The following CELF2 variants were observed in gnomAD, a reference collection of about 807,000 sequenced individuals.
CELF2 encodes CUGBP Elav-like family member 2.
In CELF2, 8 loss-of-function variants were observed where a neutral mutation model predicts 62.6. The observed-to-expected ratio is 0.13, with a 90% CI of 0.07 to 0.23. The LOEUF (loss-of-function observed/expected upper bound fraction) is 0.23, where lower values mean the gene tolerates loss of function less well. Among genes scored for constraint, CELF2 ranks in the 10% least tolerant of loss-of-function variants. The pLI, the probability that CELF2 is intolerant of heterozygous loss-of-function variation, is 1.00. For missense variants in CELF2, 333 were observed against 671.0 expected (o/e 0.50, Z 5.56); for synonymous variants, 258 against 250.0 (o/e 1.03, Z -0.30).
chr10:11,301,543 C>A (rs1380157650), intron 9 of CELF2, among the ~76,000 whole-genome samples: 2 of 130,360 alleles, frequency 1.5e-5, no homozygotes, highest in South Asian at 5.5e-4. Context: ...CCGCTGCCCC[C>A]GGCCCCGACT....
intron 9 of CELF2, among the ~76,000 whole-genome samples, chr10:11,304,892 G>A (rs1014343112): frequency 2.6e-5 from 4 of 152,174 alleles, no homozygotes; most frequent in Non-Finnish European, 4.4e-5. Context: ...GCTGGGGGGT[G>A]AACAGAGAAC....
At chr10:10,753,297 C>CTGTGTGTG in the CELF2 span, among the ~76,000 whole-genome samples, 5 of 66,492 alleles carry the variant, frequency 7.5e-5, no homozygotes, top group African/African-American at 3.1e-4. Context: ...ATTTCCAAAG[C>CTGTGTGTG]TCTGTGTGTG....
chr10:10,802,029 A>C (rs535798915), intron 1 of CELF2, among the ~76,000 whole-genome samples: 1 of 152,354 alleles, frequency 6.6e-6, no homozygotes, highest in East Asian at 1.9e-4. Context: ...TCACCAAAAG[A>C]CATGCCAATA....
intron 1 of CELF2, among the ~76,000 whole-genome samples, chr10:11,142,743 C>T (rs2061566668): frequency 6.7e-6 from 1 of 150,374 alleles, no homozygotes; most frequent in Non-Finnish European, 1.5e-5. Flanking sequence ...ACCACAGGAT[C>T]CGAGAAATAC....
intron 2 of CELF2, among the ~76,000 whole-genome samples, chr10:10,976,762 T>C (rs1043744134): frequency 2.0e-5 from 3 of 152,204 alleles, no homozygotes; most frequent in African/African-American, 7.2e-5. Flanking sequence ...TTCAGTGTCA[T>C]TTCCTTCACC....
intron 1 of CELF2, among the ~76,000 whole-genome samples, chr10:10,907,116 C>T (rs1397638209): frequency 2.0e-5 from 3 of 151,612 alleles, no homozygotes; most frequent in Non-Finnish European, 4.4e-5. Flanking sequence ...CACGCAAACG[C>T]ACACACACAC....
intron 9 of CELF2, among the ~76,000 whole-genome samples, chr10:11,304,340 C>A (rs375437283): frequency 6.6e-6 from 1 of 152,194 alleles, no homozygotes; most frequent in East Asian, 1.9e-4. Flanking sequence ...CCACCCAGAC[C>A]ATCCACAATA....
chr10:11,081,022 G>A (rs1431997045), intron 1 of CELF2, among the ~76,000 whole-genome samples: 2 of 152,066 alleles, frequency 1.3e-5, no homozygotes, highest in Admixed American at 6.5e-5. Flanking sequence ...TTTCTCAGAT[G>A]TTGCTTTAGC....
the CELF2 span, among the ~76,000 whole-genome samples, chr10:10,706,848 T>A: frequency 6.6e-6 from 1 of 152,202 alleles, no homozygotes; most frequent in African/African-American, 2.4e-5. Context: ...CTTAGGCAGC[T>A]AGATTTACAA....
At chr10:11,053,882 G>A (rs1454836647) in intron 1 of CELF2, among the ~76,000 whole-genome samples, 1 of 152,020 alleles carries the variant, frequency 6.6e-6, no homozygotes, top group African/African-American at 2.4e-5. Flanking sequence ...CCAAAGTGCT[G>A]GGATTACAGG....
At position 11,309,130 on chromosome 10, in the gene CELF2, G is replaced by A. The variant is rs768939215; in HGVS notation, c.977-5009G>A. The stretch of plus-strand genomic sequence containing the variant: ...AAGTCTAACATCTGGGCCCTCTTAC[G>A]CACAGTTTCTGTTGTCTGCTGTCTG... On this transcript the variant is annotated intron_variant, in intron 9 of 12. Coordinates refer to ENST00000633077, the MANE Select transcript of CELF2 (RefSeq NM_001326342.2). The surrounding 1 kb of genome is among the most constrained non-coding windows in gnomAD (Gnocchi z 5.6). 1.1e-4 allele frequency among the ~76,000 whole-genome samples: 17 copies of A among 152,014 alleles called. No homozygotes were observed. The highest frequency in any genetic ancestry group is 4.1e-4 in the South Asian group (2 of 4,830).
chr10:10,741,492 CAAAAAAAAA>C, the CELF2 span, among the ~76,000 whole-genome samples: 1 of 57,336 alleles, frequency 1.7e-5, no homozygotes, highest in South Asian at 9.1e-4. Flanking sequence ...GACTCCGTCT[CAAAAAAAAA>C]AAAAAAAAAA....
chr10:11,266,279 G>C (rs1331542888), intron 5 of CELF2, among the ~76,000 whole-genome samples: 1 of 152,038 alleles, frequency 6.6e-6, no homozygotes, highest in Non-Finnish European at 1.5e-5. Context: ...TTTTATTTTA[G>C]AAAATGCAAA....
intron 1 of CELF2, among the ~76,000 whole-genome samples, chr10:11,041,852 A>C (rs1281663516): frequency 6.6e-6 from 1 of 152,244 alleles, no homozygotes; most frequent in East Asian, 1.9e-4. Flanking sequence ...ATTACTATAT[A>C]TACGAAAGAA....
At chr10:10,872,669 AACAAC>A (rs2133420201) in intron 1 of CELF2, among the ~76,000 whole-genome samples, 1 of 77,150 alleles carries the variant, frequency 1.3e-5, no homozygotes, top group African/African-American at 7.5e-5. Flanking sequence ...CAACAACAAC[AACAAC>A]AAAAAACTGC....
At chr10:11,251,269 G>GTTTTTTT (rs1589850611) in intron 4 of CELF2, among the ~76,000 whole-genome samples, 1 of 50,268 alleles carries the variant, frequency 2.0e-5, no homozygotes, top group African/African-American at 7.2e-5. Flanking sequence ...AACACAAAGG[G>GTTTTTTT]ATTTTTTTTT....
chr10:11,193,673 C>A (rs1305413789), intron 2 of CELF2, among the ~76,000 whole-genome samples: 1 of 152,146 alleles, frequency 6.6e-6, no homozygotes, highest in Non-Finnish European at 1.5e-5. Flanking sequence ...AAGGATAGTA[C>A]CCATTGAGGG....
At chr10:10,727,637 G>A in the CELF2 span, among the ~76,000 whole-genome samples, 31 of 152,130 alleles carry the variant, frequency 2.0e-4, no homozygotes, top group African/African-American at 6.7e-4. Context: ...TTAGCCGGGC[G>A]TGCTGGCGGG....
chr10:10,903,314 C>T (rs1430963518), intron 1 of CELF2, among the ~76,000 whole-genome samples: 4 of 152,278 alleles, frequency 2.6e-5, no homozygotes, highest in East Asian at 1.9e-4. Context: ...CAGATGAAAA[C>T]GAAGATGGCT....
Sources: gnomAD v4.1 joint callset for allele counts (sites outside exome capture counted in the v4.1 genomes callset) on GRCh38, gnomAD v4.1.1 for gene constraint, Gnocchi (gnomAD v3.1) non-coding constraint, MANE v1.5 for transcripts, NCBI Gene and HGNC (gene_info 2026-07-23, HGNC 2026-07-21) for gene names.